LRBA: variants seen among roughly 807,000 people sequenced by gnomAD.
The protein encoded by LRBA is lipopolysaccharide-responsive and beige-like anchor protein.
LRBA carries 176 observed loss-of-function variants against 330.0 expected under a neutral mutation model. The observed-to-expected ratio is 0.53, with a 90% CI of 0.47 to 0.60. The LOEUF (loss-of-function observed/expected upper bound fraction) is 0.60. Ranked by LOEUF, LRBA falls within the 20% of genes least tolerant of loss-of-function variation. LRBA has a pLI of 0.00. For synonymous variants in LRBA, 1,230 were observed against 1,193.0 expected (o/e 1.03, Z -0.64); for missense variants, 3,259 against 3,444.8 (o/e 0.95, Z 1.35).
At chr4:150,648,728 G>A (rs1348982749) in intron 37 of LRBA, among the ~76,000 whole-genome samples, 2 of 152,102 alleles carry the variant, frequency 1.3e-5, no homozygotes, top group Non-Finnish European at 2.9e-5. Context: ...AGTTACAGGG[G>A]ACAGTAAGTT....
At chr4:150,343,702 TTC>T (rs557190396) in intron 48 of LRBA, among the ~76,000 whole-genome samples, 83 of 152,250 alleles carry the variant, frequency 5.5e-4, no homozygotes, top group African/African-American at 1.7e-3. Flanking sequence ...GTGTCTATCT[TTC>T]TGTCTCTCTC....
At chr4:150,854,822 C>T (rs1455798248) in intron 22 of LRBA, among the ~76,000 whole-genome samples, 1 of 152,084 alleles carries the variant, frequency 6.6e-6, no homozygotes, top group African/African-American at 2.4e-5. Context: ...AAACTGAGAA[C>T]TAAAGAAAAT....
At chr4:150,872,605 G>C (rs1579059498) in intron 18 of LRBA, 58 bp downstream of exon 18, 3 of 1,167,934 alleles carry the variant, frequency 2.6e-6, no homozygotes, top group East Asian at 4.8e-5. Context: ...CTACTGCAAA[G>C]ATTTATAAAA....
intron 40 of LRBA, among the ~76,000 whole-genome samples, chr4:150,504,709 C>A (rs577782734): frequency 1.3e-5 from 2 of 152,150 alleles, no homozygotes; most frequent in Admixed American, 6.5e-5. Context: ...AGCCAGCTGA[C>A]ATCATAATGA....
intron 2 of LRBA, chr4:151,012,850 A>C (rs1268476589): frequency 2.3e-5 from 3 of 133,088 alleles, no homozygotes; most frequent in African/African-American, 8.8e-5. Flanking sequence ...TCACTCTGCC[A>C]CCCAGGCTGG....
At chr4:150,786,588 A>C (rs896615787) in intron 34 of LRBA, among the ~76,000 whole-genome samples, 8 of 152,100 alleles carry the variant, frequency 5.3e-5, no homozygotes, top group Non-Finnish European at 1.2e-4. Context: ...AGCCAGACTC[A>C]AGATTCATGA....
chr4:150,316,746 C>T, intron 50 of LRBA, among the ~76,000 whole-genome samples: 1 of 152,100 alleles, frequency 6.6e-6, no homozygotes, highest in East Asian at 1.9e-4. Flanking sequence ...TGAGAAGAAA[C>T]TCAAGGACAA....
intron 22 of LRBA, among the ~76,000 whole-genome samples, chr4:150,860,548 C>T (rs972659030): frequency 6.6e-6 from 1 of 152,112 alleles, no homozygotes; most frequent in Non-Finnish European, 1.5e-5. Context: ...AACATATAGG[C>T]CGGGCGCGGT....
intron 26 of LRBA, among the ~76,000 whole-genome samples, chr4:150,848,562 G>GAAAA (rs9331496): frequency 8.3e-6 from 1 of 120,044 alleles, no homozygotes; most frequent in Non-Finnish European, 1.7e-5. Context: ...GGAGAAAAAA[G>GAAAA]AAAAAAAAAA....
intron 40 of LRBA, among the ~76,000 whole-genome samples, chr4:150,497,162 T>C (rs1759685535): frequency 6.6e-6 from 1 of 152,156 alleles, no homozygotes; most frequent in Non-Finnish European, 1.5e-5. Context: ...TGCATCACTG[T>C]TATTAACATA....
intron 47 of LRBA, among the ~76,000 whole-genome samples, chr4:150,408,425 C>G (rs1746502325): frequency 6.6e-6 from 1 of 152,010 alleles, no homozygotes; most frequent in African/African-American, 2.4e-5. Flanking sequence ...AAAGGCCATG[C>G]CTAAATAGCG....
chr4:150,959,848 A>C (rs985548184), intron 2 of LRBA, among the ~76,000 whole-genome samples: 5 of 146,192 alleles, frequency 3.4e-5, no homozygotes, highest in Non-Finnish European at 7.4e-5. Context: ...AAATACACAA[A>C]GAATATATTT....
rs1003673383 is a variant in LRBA at position 150,956,876 on chromosome 4, G to A, written c.217-27811C>T. Reference sequence around the variant, plus strand: ...AAGAAACTTCTTCAACCTGACAAAGGGCATCTATGAAAATCCCACAGCTAA... The same window carrying A: ...AAGAAACTTCTTCAACCTGACAAAGAGCATCTATGAAAATCCCACAGCTAA... On this transcript the variant is annotated intron_variant, in intron 2 of 56. Coordinates refer to ENST00000651943, the MANE Select transcript of LRBA (RefSeq NM_001364905.1). 1.5e-4 allele frequency among the ~76,000 whole-genome samples: 23 copies of A among 148,954 alleles called. 3 individuals are homozygous for A. Among genetic ancestry groups the A allele is most frequent in the African/African-American group, 6.0e-4 (23 of 38,512 alleles).
chr4:150,941,946 C>T (rs1735719198), intron 2 of LRBA, among the ~76,000 whole-genome samples: 1 of 151,328 alleles, frequency 6.6e-6, no homozygotes, highest in African/African-American at 2.4e-5. Flanking sequence ...TAGGTAAAGA[C>T]AGTAAAGTGT....
intron 2 of LRBA, among the ~76,000 whole-genome samples, chr4:150,976,212 G>C (rs1431457577): frequency 7.0e-6 from 1 of 142,322 alleles, no homozygotes; most frequent in African/African-American, 2.6e-5. Context: ...AAGGAGAGTA[G>C]AAAGAGACTG....
intron 37 of LRBA, among the ~76,000 whole-genome samples, chr4:150,656,696 A>AT (rs1780220675): frequency 6.6e-6 from 1 of 152,210 alleles, no homozygotes; most frequent in Non-Finnish European, 1.5e-5. Flanking sequence ...ATAAATGTTT[A>AT]TTGGGCACTA....
intron 30 of LRBA, among the ~76,000 whole-genome samples, chr4:150,825,321 A>C (rs1746072613): frequency 6.6e-6 from 1 of 152,150 alleles, no homozygotes; most frequent in Non-Finnish European, 1.5e-5. Flanking sequence ...AGCATCACTT[A>C]AAATGCTGTG....
chr4:150,683,431 T>C (rs1783226420), intron 37 of LRBA, 120 bp downstream of exon 37: 1 of 794,564 alleles, frequency 1.3e-6, no homozygotes, highest in South Asian at 1.8e-5. Context: ...ATAGAGATGA[T>C]GAAAGACAAA....
At position 150,697,325 on chromosome 4, in the gene LRBA, GAAAAAAAAAA is replaced by G. The variant is rs60145657; in HGVS notation, c.5755-13618_5755-13609del. Among the ~76,000 whole-genome samples the G allele has an allele frequency of 7.1e-4, 20 of 28,056 alleles. 1 individual carries two copies. Among genetic ancestry groups the G allele is most frequent in the South Asian group, 3.3e-3 (1 of 304 alleles). The allele number at this position is 28,056 out of a possible 152,430, so 18.4% of individuals were successfully genotyped here. A position where few individuals can be genotyped will look rare whatever the true frequency, so the allele number is the denominator to read the frequency against. On this transcript the variant is annotated intron_variant, in intron 36 of 56. Coordinates refer to ENST00000651943, the MANE Select transcript of LRBA (RefSeq NM_001364905.1). The stretch of plus-strand genomic sequence containing the variant: ...GGTGACAGAGTGAGACTTTGTCTCA[GAAAAAAAAAA>G]AAAAAAAAAAAAAAAACAGGGAGAG...
Sources: allele counts gnomAD v4.1 joint callset (sites outside exome capture counted in the v4.1 genomes callset), GRCh38; gene constraint gnomAD v4.1.1; transcripts MANE v1.5; gene names NCBI Gene and HGNC (gene_info 2026-07-23, HGNC 2026-07-21).